CAPS2: variants seen among roughly 807,000 people sequenced by gnomAD.
The protein encoded by CAPS2 is calcyphosine 2.
Under a neutral mutation model 86.5 loss-of-function variants are expected in CAPS2, and 98 were observed. The observed-to-expected ratio is 1.13, with a 90% CI of 0.96 to 1.34. The LOEUF is 1.34. Ranked by LOEUF, CAPS2 falls within the 40% of genes most tolerant of loss-of-function variation. The pLI, the probability that CAPS2 is intolerant of heterozygous loss-of-function variation, is 0.00. For missense variants in CAPS2, 729 were observed against 686.8 expected, an observed-to-expected ratio of 1.06 and a Z score of -0.69; for synonymous variants, 210 against 225.1, an observed-to-expected ratio of 0.93 and a Z score of 0.60.
exon 13 of CAPS2, chr12:75,291,766 C>G (rs771454252): frequency 6.4e-7 from 1 of 1,566,696 alleles, no homozygotes; most frequent in East Asian, 2.3e-5. Context: ...TGAAGACCAG[C>G]CTATCATTGG....
At chr12:75,292,748 C>T (rs1032267854) in intron 12 of CAPS2, among the ~76,000 whole-genome samples, 3 of 146,086 alleles carry the variant, frequency 2.1e-5, no homozygotes, top group Non-Finnish European at 4.5e-5. Context: ...ATTTTTTAAT[C>T]AAAATATATA....
At chr12:75,289,668 C>A in exon 14 of CAPS2, 2 of 1,613,382 alleles carry the variant, frequency 1.2e-6, no homozygotes, top group Non-Finnish European at 1.7e-6. Flanking sequence ...TGCTTAAAAT[C>A]TGCCTTATCT....
chr12:75,331,985 G>T (rs1438597355), upstream of CAPS2, among the ~76,000 whole-genome samples: 2 of 152,150 alleles, frequency 1.3e-5, no homozygotes, highest in Non-Finnish European at 2.9e-5. Context: ...TTGATTCCTG[G>T]CAATTAGACT....
At chr12:75,345,281 A>G (rs1258663096) in intron 1 of CAPS2, among the ~76,000 whole-genome samples, 2 of 151,918 alleles carry the variant, frequency 1.3e-5, no homozygotes, top group East Asian at 1.9e-4. Flanking sequence ...TTTTCTGCAA[A>G]TCTCAGGGGT....
intron 1 of CAPS2, among the ~76,000 whole-genome samples, chr12:75,338,696 A>T (rs1262379823): frequency 2.6e-5 from 4 of 151,992 alleles, no homozygotes; most frequent in Non-Finnish European, 5.9e-5. Flanking sequence ...TCAACCAATC[A>T]CCCACGTATT....
upstream of CAPS2, chr12:75,329,705 A>G: frequency 1.6e-6 from 1 of 630,842 alleles, no homozygotes; most frequent in Non-Finnish European, 2.5e-6. Context: ...TGTTGATCCC[A>G]GACGACTACA....
Position 75,279,068 on chromosome 12 carries a change from A to G in CAPS2, c.1613-3T>C, listed in dbSNP as rs771189387. The G allele has an allele frequency of 4.0e-5, 64 of 1,581,138 alleles. No individual in the cohort carries two copies. In the Admixed American group the frequency reaches 1.2e-3, roughly 30 times the overall value. ...GATTTCTTCCTCTGTTGAATGGCCT[A>G]TAAAATAGTACTGAGTATGAAACAG... On this transcript the variant is annotated splice_region_variant and splice_polypyrimidine_tract_variant and intron_variant, in intron 16 of 16. Transcript: ENST00000393284.
chr12:75,383,183 T>C (rs74108761), intron 1 of CAPS2, among the ~76,000 whole-genome samples: 2,861 of 152,270 alleles, frequency 0.019, 75 homozygotes, highest in African/African-American at 0.065. Flanking sequence ...GCATTAAAAT[T>C]TTTTTATATG....
At chr12:75,312,750 C>A in intron 7 of CAPS2, 98 bp downstream of exon 7, 2 of 715,066 alleles carry the variant, frequency 2.8e-6, no homozygotes, top group Non-Finnish European at 4.8e-6. Flanking sequence ...TCTGAGTTAG[C>A]CACCCTTTAA....
intron 8 of CAPS2, among the ~76,000 whole-genome samples, chr12:75,302,228 T>C (rs1226074418): frequency 6.6e-6 from 1 of 152,168 alleles, no homozygotes; most frequent in Non-Finnish European, 1.5e-5. Context: ...TTCTAATCGA[T>C]ACCCCCACAG....
At chr12:75,309,353 C>T (rs1291652472) in intron 7 of CAPS2, among the ~76,000 whole-genome samples, 4 of 152,214 alleles carry the variant, frequency 2.6e-5, no homozygotes, top group Non-Finnish European at 5.9e-5. Flanking sequence ...GTGTCTCGTC[C>T]AGTTCTTTGT....
At chr12:75,386,060 A>C (rs1486275560) in intron 1 of CAPS2, among the ~76,000 whole-genome samples, 1 of 152,190 alleles carries the variant, frequency 6.6e-6, no homozygotes, top group Non-Finnish European at 1.5e-5. Context: ...TGAACAAGGA[A>C]TTTGTTAGGA....
Position 75,298,674 on chromosome 12 carries a change from A to C in CAPS2, c.1044+13T>G, listed in dbSNP as rs1188504189. On this transcript the variant is annotated intron_variant, in intron 11 of 16. Transcript: ENST00000393284. The stretch of plus-strand genomic sequence containing the variant: ...TCTGGTATTAAATGTGTGCACACAC[A>C]CACACCACTTACAACATAAAAATCA... 1 of 1,604,602 alleles carries C rather than the reference A, an allele frequency of 6.2e-7. No individual in the cohort carries two copies. The highest frequency in any genetic ancestry group is 1.1e-5 in the South Asian group (1 of 90,886).
At chr12:75,312,608 A>G (rs1249914351) in intron 7 of CAPS2, among the ~76,000 whole-genome samples, 1 of 152,182 alleles carries the variant, frequency 6.6e-6, no homozygotes, top group Non-Finnish European at 1.5e-5. Flanking sequence ...TAGGAAATAA[A>G]TATTTATTAA....
chr12:75,377,393 A>G (rs2044705212), intron 1 of CAPS2, among the ~76,000 whole-genome samples: 1 of 152,210 alleles, frequency 6.6e-6, no homozygotes, highest in Admixed American at 6.5e-5. Flanking sequence ...ATCCCACGAT[A>G]GGCCATCTGT....
chr12:75,329,938 C>A, upstream of CAPS2: 1 of 1,343,042 alleles, frequency 7.4e-7, no homozygotes, highest in South Asian at 1.3e-5. Context: ...CTAACAAGCT[C>A]GGTAAGAAGA....
At chr12:75,311,606 C>T (rs1290464742) in intron 7 of CAPS2, among the ~76,000 whole-genome samples, 1 of 147,174 alleles carries the variant, frequency 6.8e-6, no homozygotes, top group African/African-American at 2.5e-5. Flanking sequence ...TTGGGCACAC[C>T]CACGTAGGGA....
At chr12:75,279,162 T>A in intron 16 of CAPS2, 97 bp from the exon 17 acceptor site, 1 of 1,124,546 alleles carries the variant, frequency 8.9e-7, no homozygotes. Flanking sequence ...TGAAATACTT[T>A]CAACAATTTG....
intron 1 of CAPS2, among the ~76,000 whole-genome samples, chr12:75,358,882 T>C (rs1196431187): frequency 2.1e-5 from 3 of 140,298 alleles, no homozygotes; most frequent in Non-Finnish European, 4.6e-5. Context: ...AATATATAAT[T>C]ATATATATTA....
Sources: gnomAD v4.1 joint callset for allele counts (sites outside exome capture counted in the v4.1 genomes callset) on GRCh38, gnomAD v4.1.1 for gene constraint, MANE v1.5 for transcripts, NCBI Gene and HGNC (gene_info 2026-07-23, HGNC 2026-07-21) for gene names.